NPAS3: variants seen among roughly 807,000 people sequenced by gnomAD.
The protein encoded by NPAS3 is neuronal PAS domain-containing protein 3.
In NPAS3, 14 loss-of-function variants were observed where a neutral mutation model predicts 73.1. The ratio of observed to expected loss-of-function variants is 0.19; its 90% CI spans 0.13 to 0.30. The LOEUF (loss-of-function observed/expected upper bound fraction) is 0.30. Ranked by LOEUF, NPAS3 falls within the 10% of genes least tolerant of loss-of-function variation. The pLI is 1.00. For missense variants in NPAS3, 1,096 were observed against 1,250.0 expected (o/e 0.88, Z 1.86); for synonymous variants, 620 against 541.5 (o/e 1.14, Z -2.01).
intron 1 of NPAS3, among the ~76,000 whole-genome samples, chr14:32,940,127 C>T (rs1193297710): frequency 6.6e-6 from 1 of 152,212 alleles, no homozygotes; most frequent in Non-Finnish European, 1.5e-5. Context: ...CAGCGAGATC[C>T]AAAATGTGTC....
intron 4 of NPAS3, among the ~76,000 whole-genome samples, chr14:33,489,079 A>G (rs2051759425): frequency 6.6e-6 from 1 of 152,156 alleles, no homozygotes; most frequent in Non-Finnish European, 1.5e-5. Flanking sequence ...ATACTTAGAG[A>G]CAGTGAGGGT....
At chr14:33,009,571 C>G (rs2039119333) in intron 1 of NPAS3, among the ~76,000 whole-genome samples, 1 of 152,142 alleles carries the variant, frequency 6.6e-6, no homozygotes, top group East Asian at 1.9e-4. Context: ...GTAATGGAAG[C>G]ATGAGCAGTA....
intron 4 of NPAS3, among the ~76,000 whole-genome samples, chr14:33,444,855 G>T (rs578119995): frequency 3.7e-4 from 57 of 152,344 alleles, no homozygotes; most frequent in African/African-American, 1.4e-3. Context: ...GCTTTTGCCC[G>T]AATGTTACTC....
chr14:33,094,255 C>T (rs2042329742), intron 2 of NPAS3, among the ~76,000 whole-genome samples: 1 of 151,970 alleles, frequency 6.6e-6, no homozygotes, highest in African/African-American at 2.4e-5. Flanking sequence ...TTTCATATAA[C>T]CCACTATATG....
chr14:33,699,946 A>G (rs1441431569), intron 6 of NPAS3, among the ~76,000 whole-genome samples: 1 of 152,180 alleles, frequency 6.6e-6, no homozygotes, highest in Non-Finnish European at 1.5e-5. Flanking sequence ...CCTCTGTGGC[A>G]TCATAAAATA....
intron 2 of NPAS3, among the ~76,000 whole-genome samples, chr14:33,116,626 T>C (rs1447808007): frequency 1.3e-5 from 2 of 152,104 alleles, no homozygotes; most frequent in Non-Finnish European, 2.9e-5. Flanking sequence ...TTTTCCCACA[T>C]GAATGTTACT....
intron 5 of NPAS3, among the ~76,000 whole-genome samples, chr14:33,635,531 C>T (rs772585072): frequency 3.3e-5 from 5 of 152,252 alleles, no homozygotes; most frequent in South Asian, 4.2e-4. Context: ...CCCAGAGGCT[C>T]GAGCAGGGAG....
intron 6 of NPAS3, among the ~76,000 whole-genome samples, chr14:33,732,342 A>G (rs982040437): frequency 6.6e-6 from 1 of 152,136 alleles, no homozygotes; most frequent in Non-Finnish European, 1.5e-5. Flanking sequence ...CACGCCTCTC[A>G]CGTGAGACAG....
chr14:33,467,113 C>G (rs923292752), intron 4 of NPAS3, among the ~76,000 whole-genome samples: 1 of 152,140 alleles, frequency 6.6e-6, no homozygotes, highest in Non-Finnish European at 1.5e-5. Context: ...AAACCAGAAC[C>G]GCGTGAGTGA....
chr14:33,778,590 G>A lies in NPAS3; in HGVS notation c.1153+18G>A, dbSNP rs202167736. ...CTTGGACTGTAAGTACCTCCTGTGTGGGGGAATAACCCCGGCTGGTGTCAG... is the reference window on the plus strand; with the variant it reads ...CTTGGACTGTAAGTACCTCCTGTGTAGGGGAATAACCCCGGCTGGTGTCAG... On this transcript the variant is annotated intron_variant, in intron 9 of 11. Coordinates refer to ENST00000356141, the Ensembl canonical transcript of NPAS3. The A allele has an allele frequency of 3.4e-5, 52 of 1,550,554 alleles. No homozygotes were observed. The Middle Eastern group carries it at 1.5e-3, about 45-fold the overall frequency.
intron 4 of NPAS3, among the ~76,000 whole-genome samples, chr14:33,402,870 A>G (rs1262441069): frequency 6.6e-6 from 1 of 152,100 alleles, no homozygotes; most frequent in Non-Finnish European, 1.5e-5. Flanking sequence ...ACTACTAAGC[A>G]TTTGTTCATG....
At chr14:33,078,144 A>T (rs1292142346) in intron 2 of NPAS3, among the ~76,000 whole-genome samples, 1 of 152,178 alleles carries the variant, frequency 6.6e-6, no homozygotes, top group Non-Finnish European at 1.5e-5. Context: ...TTCCAAAAAA[A>T]ATAAATAAAT....
chr14:33,392,305 T>G (rs1316051113), intron 4 of NPAS3, among the ~76,000 whole-genome samples: 1 of 152,174 alleles, frequency 6.6e-6, no homozygotes, highest in Non-Finnish European at 1.5e-5. Flanking sequence ...ATTTATCACA[T>G]GCTTTACAAC....
intron 1 of NPAS3, among the ~76,000 whole-genome samples, chr14:33,029,112 G>A (rs928233499): frequency 3.3e-5 from 5 of 152,146 alleles, no homozygotes; most frequent in African/African-American, 1.2e-4. Context: ...TGGAGTGGGG[G>A]AAGAACAGGG....
At chr14:33,161,710 G>A in intron 2 of NPAS3, among the ~76,000 whole-genome samples, 1 of 152,212 alleles carries the variant, frequency 6.6e-6, no homozygotes, top group South Asian at 2.1e-4. Context: ...AGCGGTACAG[G>A]GGAGAACTGG....
chr14:33,731,075 TG>T (rs970989998), intron 6 of NPAS3, among the ~76,000 whole-genome samples: 1 of 151,744 alleles, frequency 6.6e-6, no homozygotes, highest in African/African-American at 2.4e-5. Context: ...CAGGATTTGG[TG>T]GGGGCTGGAG....
chr14:33,011,794 T>G (rs1391760473), intron 1 of NPAS3, among the ~76,000 whole-genome samples: 2 of 152,200 alleles, frequency 1.3e-5, no homozygotes, highest in African/African-American at 2.4e-5. Flanking sequence ...TTTTCTCCAC[T>G]TTGGTGTTGC....
intron 2 of NPAS3, among the ~76,000 whole-genome samples, chr14:33,180,849 T>C (rs2045774058): frequency 6.7e-6 from 1 of 149,504 alleles, no homozygotes; most frequent in African/African-American, 2.5e-5. Context: ...TGGTGAAATG[T>C]TTTATGGAAT....
At chr14:33,072,111 A>G in intron 2 of NPAS3, among the ~76,000 whole-genome samples, 1 of 152,136 alleles carries the variant, frequency 6.6e-6, no homozygotes, top group East Asian at 1.9e-4. Flanking sequence ...GTCTGGTCTC[A>G]AACTCCTGAT....
Sources: allele counts gnomAD v4.1 joint callset (sites outside exome capture counted in the v4.1 genomes callset), GRCh38; gene constraint gnomAD v4.1.1; transcripts MANE v1.5; gene names NCBI Gene and HGNC (gene_info 2026-07-23, HGNC 2026-07-21).